The following DCDC2C variants were observed in gnomAD, a reference collection of about 807,000 sequenced individuals.
DCDC2C encodes the protein doublecortin domain-containing protein 2C.
DCDC2C carries 44 observed loss-of-function variants against 45.0 expected under a neutral mutation model. The observed-to-expected ratio is 0.98, with a 90% CI of 0.77 to 1.26. The LOEUF is 1.26. Among genes scored for constraint, DCDC2C ranks in the 50% most tolerant of loss-of-function variants. DCDC2C has a pLI of 0.00. For missense variants in DCDC2C, 447 were observed against 468.9 expected, an observed-to-expected ratio of 0.95 and a Z score of 0.43; for synonymous variants, 187 against 178.8, an observed-to-expected ratio of 1.05 and a Z score of -0.37.
chr2:3,747,585 A>G (rs756937487), intron 4 of DCDC2C, among the ~76,000 whole-genome samples: 57 of 152,230 alleles, frequency 3.7e-4, no homozygotes, highest in Non-Finnish European at 7.8e-4. Flanking sequence ...GAGTAGCCCA[A>G]TCGCAGCATA....
At chr2:3,738,963 G>A (rs769466469) in intron 3 of DCDC2C, among the ~76,000 whole-genome samples, 4 of 152,126 alleles carry the variant, frequency 2.6e-5, no homozygotes, top group African/African-American at 4.8e-5. Context: ...TGAACAACAC[G>A]GACCCCAAAC....
At position 3,772,876 on chromosome 2, in the gene DCDC2C, A is replaced by AG. The variant is rs1558220007; in HGVS notation, c.954+3466dup. The stretch of plus-strand genomic sequence containing the variant: ...TTCACACTGGCGTTTCAAGGCTCCT[A>AG]GCTGTTTTGAAAGCTCATTCTTGTA... On this transcript the variant is annotated intron_variant, in intron 8 of 10. Transcript: ENST00000399143. Among the ~76,000 whole-genome samples, 3 of 152,258 alleles carry AG rather than the reference A, an allele frequency of 2.0e-5. No homozygotes were observed. In the East Asian group the frequency reaches 5.8e-4, roughly 29 times the overall value.
intron 10 of DCDC2C, among the ~76,000 whole-genome samples, chr2:3,841,153 G>A (rs541507628): frequency 1.0e-3 from 154 of 152,254 alleles, no homozygotes; most frequent in Non-Finnish European, 1.8e-3. Context: ...CGTGAAACTT[G>A]TGATAAGAAG....
At chr2:3,767,126 T>C (rs1670035753) in intron 6 of DCDC2C, among the ~76,000 whole-genome samples, 1 of 152,376 alleles carries the variant, frequency 6.6e-6, no homozygotes, top group South Asian at 2.1e-4. Context: ...TTTTTGACTT[T>C]AGATACTTTC....
chr2:3,810,164 G>T (rs1334841109), intron 10 of DCDC2C, among the ~76,000 whole-genome samples: 2 of 152,228 alleles, frequency 1.3e-5, no homozygotes, highest in Middle Eastern at 3.4e-3. Flanking sequence ...TTGAGGAATC[G>T]CCATACCGTC....
intron 4 of DCDC2C, among the ~76,000 whole-genome samples, chr2:3,742,339 G>C (rs34265346): frequency 6.6e-6 from 1 of 152,244 alleles, no homozygotes; most frequent in East Asian, 1.9e-4. Flanking sequence ...TGAGTGGGCC[G>C]ACCGTTCAAG....
At chr2:3,769,218 C>T (rs888128516) in intron 7 of DCDC2C, 93 bp from the exon 8 acceptor site, 25 of 1,265,276 alleles carry the variant, frequency 2.0e-5, no homozygotes, top group East Asian at 1.5e-4. Flanking sequence ...CCAGGATGCC[C>T]GGCTTCGTAA....
intron 10 of DCDC2C, among the ~76,000 whole-genome samples, chr2:3,825,104 G>C (rs1237126557): frequency 6.6e-6 from 1 of 152,146 alleles, no homozygotes; most frequent in African/African-American, 2.4e-5. Context: ...GCGGCAGTGG[G>C]CTCCTTTCCA....
chr2:3,791,194 GAGAA>G lies in DCDC2C; in HGVS notation c.1065+6098_1065+6101del, dbSNP rs1164471639. Among the ~76,000 whole-genome samples the G allele has an allele frequency of 4.6e-5, 7 of 152,346 alleles. No homozygotes were observed. The East Asian group carries it at 1.4e-3, about 29-fold the overall frequency. ...AGATTCATTTGGACTCAAATAATAG[GAGAA>G]AGATTTTCACTTAAAAACAGAAAAG... On this transcript the variant is annotated intron_variant, in intron 10 of 10. Transcript: ENST00000399143.
At chr2:3,731,475 C>T (rs112408951) in intron 3 of DCDC2C, among the ~76,000 whole-genome samples, 78 of 152,322 alleles carry the variant, frequency 5.1e-4, no homozygotes, top group Non-Finnish European at 9.6e-4. Flanking sequence ...TTGGTCATTG[C>T]CTGTACTGGT....
chr2:3,766,362 T>G (rs987224815), intron 6 of DCDC2C, among the ~76,000 whole-genome samples: 1 of 152,012 alleles, frequency 6.6e-6, no homozygotes, highest in Non-Finnish European at 1.5e-5. Flanking sequence ...GCCAAAGTTA[T>G]GGAAAATGTG....
intron 6 of DCDC2C, among the ~76,000 whole-genome samples, chr2:3,757,713 A>G (rs1308687866): frequency 6.6e-6 from 1 of 152,208 alleles, no homozygotes; most frequent in Non-Finnish European, 1.5e-5. Flanking sequence ...GTCGATAAGC[A>G]TGGGCGTAAC....
intron 10 of DCDC2C, among the ~76,000 whole-genome samples, chr2:3,799,795 T>G (rs1427058435): frequency 1.3e-5 from 2 of 152,290 alleles, no homozygotes; most frequent in Non-Finnish European, 2.9e-5. Context: ...GACATTTAAG[T>G]CTGCAGAGGT....
intron 2 of DCDC2C, among the ~76,000 whole-genome samples, chr2:3,710,771 A>G (rs1218346284): frequency 6.6e-6 from 1 of 152,200 alleles, no homozygotes; most frequent in African/African-American, 2.4e-5. Flanking sequence ...CACTTAGGAT[A>G]ATGGCTGCAG....
chr2:3,747,013 CT>C (rs1669384767), intron 4 of DCDC2C, among the ~76,000 whole-genome samples: 1 of 152,066 alleles, frequency 6.6e-6, no homozygotes, highest in Non-Finnish European at 1.5e-5. Context: ...TGTAGTGAAA[CT>C]TTCTGGAAAA....
At chr2:3,765,244 G>A (rs767178266) in intron 6 of DCDC2C, among the ~76,000 whole-genome samples, 9 of 152,182 alleles carry the variant, frequency 5.9e-5, no homozygotes, top group Non-Finnish European at 1.2e-4. Flanking sequence ...CATTAAATCA[G>A]CAGAGATTTA....
intron 4 of DCDC2C, 56 bp downstream of exon 4, chr2:3,742,104 T>A: frequency 8.2e-6 from 12 of 1,462,906 alleles, no homozygotes; most frequent in Non-Finnish European, 1.1e-5. Context: ...TGTTTATTCT[T>A]TCTATGAGAG....
chr2:3,730,317 G>A (rs971044244), intron 3 of DCDC2C, among the ~76,000 whole-genome samples: 1 of 152,112 alleles, frequency 6.6e-6, no homozygotes, highest in Non-Finnish European at 1.5e-5. Context: ...AGTCCCTTAA[G>A]GAGCTCCCTA....
intron 10 of DCDC2C, among the ~76,000 whole-genome samples, chr2:3,799,916 G>T (rs1671069170): frequency 1.3e-5 from 2 of 152,256 alleles, no homozygotes; most frequent in Middle Eastern, 3.2e-3. Flanking sequence ...CTTCCCAGAT[G>T]CTTTGTTTAC....
Sources: gnomAD v4.1 joint callset for allele counts (sites outside exome capture counted in the v4.1 genomes callset) on GRCh38, gnomAD v4.1.1 for gene constraint, MANE v1.5 for transcripts, NCBI Gene and HGNC (gene_info 2026-07-23, HGNC 2026-07-21) for gene names.